ARHGAP24: variants seen among roughly 807,000 people sequenced by gnomAD.
The protein encoded by ARHGAP24 is Rho GTPase activating protein 24, also known as rho GTPase-activating protein 24.
A neutral mutation model predicts 76.4 loss-of-function variants in ARHGAP24; 50 were observed. The observed-to-expected ratio is 0.65, with a 90% CI of 0.52 to 0.83. The LOEUF is 0.83. Ranked by LOEUF, ARHGAP24 falls within the 40% of genes least tolerant of loss-of-function variation. ARHGAP24 has a pLI of 0.00. For synonymous variants in ARHGAP24, 345 were observed against 323.3 expected (o/e 1.07, Z -0.72); for missense variants, 930 against 914.2 (o/e 1.02, Z -0.22).
intron 3 of ARHGAP24, among the ~76,000 whole-genome samples, chr4:85,840,641 C>G (rs193268440): frequency 1.3e-5 from 2 of 152,230 alleles, no homozygotes; most frequent in Admixed American, 1.3e-4. Flanking sequence ...AAGGGAAGCC[C>G]ATGAAGTGTG....
At chr4:85,525,631 C>T (rs1392800627) in intron 1 of ARHGAP24, among the ~76,000 whole-genome samples, 1 of 152,148 alleles carries the variant, frequency 6.6e-6, no homozygotes, top group Non-Finnish European at 1.5e-5. Flanking sequence ...ATCTACTGTA[C>T]TAGATCTCTT....
chr4:85,852,378 T>C (rs1263903810), intron 3 of ARHGAP24, among the ~76,000 whole-genome samples: 3 of 152,182 alleles, frequency 2.0e-5, no homozygotes, highest in East Asian at 3.9e-4. Flanking sequence ...TTAGCTTCCT[T>C]GCGGTGGGTT....
At chr4:85,921,546 T>A (rs113981548) in intron 3 of ARHGAP24, among the ~76,000 whole-genome samples, 3,504 of 151,422 alleles carry the variant, frequency 0.023, 140 homozygotes, top group African/African-American at 0.078. Context: ...AAAGTTTTTT[T>A]AAAAAAAAAG....
chr4:85,843,509 A>G (rs1730714477), intron 3 of ARHGAP24, among the ~76,000 whole-genome samples: 1 of 151,902 alleles, frequency 6.6e-6, no homozygotes, highest in Admixed American at 6.6e-5. Context: ...TTAATTAAAT[A>G]ATATAAATAA....
chr4:85,934,999 G>C (rs1044917540), intron 4 of ARHGAP24, among the ~76,000 whole-genome samples: 1 of 152,174 alleles, frequency 6.6e-6, no homozygotes, highest in African/African-American at 2.4e-5. Context: ...ATTCAAGATC[G>C]ATTACAAACT....
chr4:85,570,408 T>C, intron 1 of ARHGAP24, 114 bp from the exon 2 acceptor site: 2 of 376,556 alleles, frequency 5.3e-6, no homozygotes, highest in African/African-American at 3.1e-5. Flanking sequence ...CTTTCTTTCT[T>C]TCTTTCTTTC....
intron 2 of ARHGAP24, among the ~76,000 whole-genome samples, chr4:85,584,431 A>C (rs1346366987): frequency 8.3e-6 from 1 of 120,378 alleles, no homozygotes; most frequent in Non-Finnish European, 1.7e-5. Flanking sequence ...TCCCACTCTG[A>C]GGACTGTTGT....
At chr4:85,791,414 G>T (rs1416784928) in intron 3 of ARHGAP24, among the ~76,000 whole-genome samples, 1 of 152,130 alleles carries the variant, frequency 6.6e-6, no homozygotes, top group Non-Finnish European at 1.5e-5. Flanking sequence ...CACCAGGAAA[G>T]AAATTGTATG....
chr4:85,895,001 C>CAAAAAAAA (rs1222078793), intron 3 of ARHGAP24, among the ~76,000 whole-genome samples: 23 of 54,334 alleles, frequency 4.2e-4, no homozygotes, highest in East Asian at 1.4e-3. Flanking sequence ...AAACAAAAAG[C>CAAAAAAAA]AAAAAAAAAA....
At position 85,972,103 on chromosome 4, in the gene ARHGAP24, A is replaced by G. The variant is rs1223165316; in HGVS notation, c.667A>G (p.Ile223Val). Residue 223 changes from isoleucine (I) to valine (V), a missense_variant, in exon 6 of 10, where the codon ATT (isoleucine) becomes GTT (valine). Ile to Val is a conservative substitution (Grantham distance 29). Transcript: ENST00000395184. ...CCTCCGAGAACTTCCAGAACCAGTT[A>G]TTCCTTATGCGAAGTATGAAGATTT... is the stretch of plus-strand genomic sequence containing the variant. ...LYLRELPEPV[I>V]PYAKYEDFLS... The G allele has an allele frequency of 6.2e-7, 1 of 1,614,062 alleles. No homozygotes were observed. The highest frequency in any genetic ancestry group is 8.5e-7 in the Non-Finnish European group (1 of 1,179,986).
intron 8 of ARHGAP24, among the ~76,000 whole-genome samples, chr4:85,984,195 G>A (rs1242132788): frequency 6.6e-6 from 1 of 152,180 alleles, no homozygotes; most frequent in Non-Finnish European, 1.5e-5. Flanking sequence ...TCACAGATGG[G>A]ACATTTAAAG....
At chr4:85,589,987 A>G (rs542454760) in intron 2 of ARHGAP24, among the ~76,000 whole-genome samples, 5 of 152,206 alleles carry the variant, frequency 3.3e-5, no homozygotes, top group Admixed American at 2.0e-4. Flanking sequence ...TGCATTTTGC[A>G]TGTTAATTTA....
chr4:85,563,354 GGT>G (rs1300706704), intron 1 of ARHGAP24, among the ~76,000 whole-genome samples: 16 of 152,182 alleles, frequency 1.1e-4, no homozygotes, highest in Non-Finnish European at 1.6e-4. Context: ...CTAAGATCAA[GGT>G]GCTGGTAAGG....
chr4:85,950,593 A>G (rs749250884), intron 5 of ARHGAP24, among the ~76,000 whole-genome samples: 5 of 151,684 alleles, frequency 3.3e-5, no homozygotes, highest in Non-Finnish European at 5.9e-5. Context: ...ACGGAGGTTG[A>G]TTCTGTATAA....
intron 3 of ARHGAP24, among the ~76,000 whole-genome samples, chr4:85,864,306 T>A (rs1483012402): frequency 6.6e-6 from 1 of 152,072 alleles, no homozygotes; most frequent in African/African-American, 2.4e-5. Flanking sequence ...TTAACTCCTA[T>A]ATCACTTGGG....
In ARHGAP24 at chr4:85,483,143, A is replaced by G. The variant is rs190724137; in HGVS notation, c.-21+7584A>G. On this transcript the variant is annotated intron_variant, in intron 1 of 9. Transcript: ENST00000395184. ...GAGGGGTGTCTGGCACCTGATAAATATCAATACAAGTTAATAGTTATTATT... is the reference window on the plus strand; with the variant it reads ...GAGGGGTGTCTGGCACCTGATAAATGTCAATACAAGTTAATAGTTATTATT... Among the ~76,000 whole-genome samples, 211 of 152,352 alleles carry G rather than the reference A, an allele frequency of 1.4e-3. 2 individuals are homozygous for G. The highest frequency in any genetic ancestry group is 5.0e-3 in the African/African-American group (207 of 41,578).
chr4:85,875,125 ATC>A (rs1732813492), intron 3 of ARHGAP24, among the ~76,000 whole-genome samples: 3 of 18,424 alleles, frequency 1.6e-4, no homozygotes, highest in African/African-American at 4.3e-4. Flanking sequence ...TAATATATTT[ATC>A]TTATATATTA....
At chr4:85,587,952 T>C (rs1727927771) in intron 2 of ARHGAP24, among the ~76,000 whole-genome samples, 1 of 152,144 alleles carries the variant, frequency 6.6e-6, no homozygotes, top group East Asian at 1.9e-4. Flanking sequence ...GTGGTGGTCA[T>C]GATAGTAGGG....
chr4:85,922,106 T>G (rs1216196636), intron 3 of ARHGAP24, among the ~76,000 whole-genome samples: 1 of 152,218 alleles, frequency 6.6e-6, no homozygotes, highest in East Asian at 1.9e-4. Context: ...TGTCAACATA[T>G]GGAAACCTAT....
Sources: gnomAD v4.1 joint callset for allele counts (sites outside exome capture counted in the v4.1 genomes callset) on GRCh38, gnomAD v4.1.1 for gene constraint, MANE v1.5 for transcripts, NCBI Gene and HGNC (gene_info 2026-07-23, HGNC 2026-07-21) for gene names.